The following CALN1 variants were observed in gnomAD, a reference collection of about 807,000 sequenced individuals.
CALN1 encodes the protein calneuron 1, also known as calcium-binding protein 8.
In CALN1, 17 loss-of-function variants were observed where a neutral mutation model predicts 30.6. That is an observed-to-expected ratio of 0.56 (90% CI 0.38 to 0.83). The LOEUF (loss-of-function observed/expected upper bound fraction) is 0.83, where lower values mean the gene tolerates loss of function less well. CALN1 is among the 40% of genes least tolerant of loss of function. The probability of loss-of-function intolerance (pLI) is 0.00; values close to 1 mark genes in which losing one functional copy is unlikely to be tolerated. For missense variants in CALN1, 291 were observed against 354.9 expected (o/e 0.82, Z 1.45); for synonymous variants, 156 against 131.4 (o/e 1.19, Z -1.28).
chr7:71,909,414 T>G (rs759912063), intron 5 of CALN1, among the ~76,000 whole-genome samples: 1 of 152,270 alleles, frequency 6.6e-6, no homozygotes, highest in South Asian at 2.1e-4. Flanking sequence ...ACACCATTTA[T>G]TCCTCCTTAT....
At chr7:72,052,779 G>A (rs184750206) in intron 4 of CALN1, among the ~76,000 whole-genome samples, 68 of 152,306 alleles carry the variant, frequency 4.5e-4, no homozygotes, top group African/African-American at 1.5e-3. Flanking sequence ...GACTCAATGA[G>A]CCTTTGAAGC....
At position 71,787,771 on chromosome 7, in the gene CALN1, G is replaced by C. The variant is rs757130825; in HGVS notation, c.*4C>G. 1.2e-6 allele frequency: 2 copies of C among 1,613,412 alleles called. No individual in the cohort carries two copies. The highest frequency in any genetic ancestry group is 2.7e-5 in the African/African-American group (2 of 74,912). ...TGCAACACAGTGTGGCTGGCGGGAG[G>C]CTGCTACTCCATGCCGCTCCGGAGT... On this transcript the variant is annotated 3_prime_UTR_variant, in exon 7 of 7. Transcript: ENST00000395275.
At chr7:72,037,088 T>C (rs1394192726) in intron 4 of CALN1, among the ~76,000 whole-genome samples, 1 of 152,214 alleles carries the variant, frequency 6.6e-6, no homozygotes, top group Non-Finnish European at 1.5e-5. Flanking sequence ...CAAGCCATCC[T>C]CCCAAAGTGC....
chr7:72,316,192 A>T (rs1468262039), intron 2 of CALN1, among the ~76,000 whole-genome samples: 1 of 151,984 alleles, frequency 6.6e-6, no homozygotes, highest in Admixed American at 6.6e-5. Flanking sequence ...TTAAAAAAAT[A>T]CTTACAGATG....
chr7:72,160,299 AAC>A (rs1788010357), intron 3 of CALN1, among the ~76,000 whole-genome samples: 3 of 142,492 alleles, frequency 2.1e-5, no homozygotes, highest in African/African-American at 7.9e-5. Flanking sequence ...TTTTTTTTTA[AAC>A]AGAGTCTCGT....
At chr7:71,895,534 T>C (rs1793488974) in intron 5 of CALN1, among the ~76,000 whole-genome samples, 1 of 152,218 alleles carries the variant, frequency 6.6e-6, no homozygotes, top group South Asian at 2.1e-4. Context: ...CTCTCATGTA[T>C]CACCTTTGGC....
intron 3 of CALN1, among the ~76,000 whole-genome samples, chr7:72,253,387 G>C (rs1006369890): frequency 1.3e-5 from 2 of 152,134 alleles, no homozygotes; most frequent in African/African-American, 2.4e-5. Flanking sequence ...ATTTGTGTTA[G>C]TTTGTTTTAA....
In CALN1 at chr7:72,004,276, A is replaced by G. The variant is rs373227905; in HGVS notation, c.501+19381T>C. ...TTGGCAAAGTCATCAAAGTAATTCA[A>G]TGGAGAAAGGACAGCCCTTTCAACA... On this transcript the variant is annotated intron_variant, in intron 5 of 6. Transcript: ENST00000395275. 3.2e-4 allele frequency among the ~76,000 whole-genome samples: 49 copies of G among 152,352 alleles called. 1 individual carries two copies. The highest frequency in any genetic ancestry group is 1.1e-3 in the African/African-American group (47 of 41,584).
At position 72,078,878 on chromosome 7, in the gene CALN1, G is replaced by A. The variant is rs377485379; in HGVS notation, c.388+27273C>T. Reference sequence around the variant, plus strand: ...CTGAACCTGGGAGATGGAGGTTGCCGTGATCACGCCATTGAACTACAGCCT... The same window carrying A: ...CTGAACCTGGGAGATGGAGGTTGCCATGATCACGCCATTGAACTACAGCCT... On this transcript the variant is annotated intron_variant, in intron 4 of 6. Coordinates refer to ENST00000395275, the MANE Select transcript of CALN1 (RefSeq NM_031468.4). Among the ~76,000 whole-genome samples, 60 of 152,288 alleles carry A rather than the reference G, an allele frequency of 3.9e-4. No homozygotes were observed. In the South Asian group the frequency reaches 4.6e-3, roughly 12 times the overall value.
At chr7:72,303,677 C>G (rs1300307922) in intron 2 of CALN1, among the ~76,000 whole-genome samples, 2 of 152,118 alleles carry the variant, frequency 1.3e-5, no homozygotes, top group Non-Finnish European at 2.9e-5. Flanking sequence ...CCCTCCTTCA[C>G]TCTCTTTTCC....
chr7:72,496,173 C>T, the CALN1 span, among the ~76,000 whole-genome samples: 19 of 152,160 alleles, frequency 1.2e-4, no homozygotes, highest in Non-Finnish European at 1.8e-4. Context: ...CCACCTGCCT[C>T]GGCCTCCCAA....
At chr7:72,207,800 T>A (rs1214862398) in intron 3 of CALN1, among the ~76,000 whole-genome samples, 1 of 152,184 alleles carries the variant, frequency 6.6e-6, no homozygotes, top group African/African-American at 2.4e-5. Context: ...CGACTTTTAT[T>A]TTTCTCTTAT....
chr7:72,503,112 C>T, the CALN1 span, among the ~76,000 whole-genome samples: 1 of 152,018 alleles, frequency 6.6e-6, no homozygotes, highest in African/African-American at 2.4e-5. Flanking sequence ...TGCCACTGCA[C>T]TCCAGCCTGG....
chr7:72,396,437 A>G (rs1805962253), intron 2 of CALN1, among the ~76,000 whole-genome samples: 1 of 149,962 alleles, frequency 6.7e-6, no homozygotes, highest in South Asian at 2.1e-4. Context: ...AAAAAAAAAA[A>G]GGAAACAAAA....
chr7:72,302,069 G>C (rs927279743), intron 2 of CALN1, among the ~76,000 whole-genome samples: 7 of 152,072 alleles, frequency 4.6e-5, no homozygotes, highest in African/African-American at 1.7e-4. Flanking sequence ...ATGAGGAATT[G>C]AAGAAAGTTT....
intron 4 of CALN1, among the ~76,000 whole-genome samples, chr7:72,057,228 T>G (rs1361646387): frequency 6.6e-6 from 1 of 152,144 alleles, no homozygotes; most frequent in Non-Finnish European, 1.5e-5. Context: ...ATTACAAGCT[T>G]GAGCCATGAA....
chr7:72,358,559 C>G (rs960999987), intron 2 of CALN1, among the ~76,000 whole-genome samples: 3 of 152,158 alleles, frequency 2.0e-5, no homozygotes, highest in African/African-American at 7.2e-5. Flanking sequence ...CACTGTGATC[C>G]CCGTCAACCT....
chr7:72,475,389 A>G, the CALN1 span, among the ~76,000 whole-genome samples: 5 of 152,008 alleles, frequency 3.3e-5, no homozygotes, highest in Admixed American at 1.3e-4. Flanking sequence ...CAGGAGGTGG[A>G]CGGAGGTTGC....
chr7:72,252,849 C>T (rs1384296496), intron 3 of CALN1, among the ~76,000 whole-genome samples: 29 of 152,176 alleles, frequency 1.9e-4, no homozygotes, highest in Admixed American at 1.9e-3. Flanking sequence ...TGTGGGAATT[C>T]TACTTTGCTT....
Sources: allele counts gnomAD v4.1 joint callset (sites outside exome capture counted in the v4.1 genomes callset), GRCh38; gene constraint gnomAD v4.1.1; transcripts MANE v1.5; gene names NCBI Gene and HGNC (gene_info 2026-07-23, HGNC 2026-07-21).